The following RALGAPA2 variants were observed in gnomAD, a reference collection of about 807,000 sequenced individuals.
The protein encoded by RALGAPA2 is Ral GTPase activating protein catalytic subunit alpha 2, also known as ral GTPase-activating protein subunit alpha-2.
RALGAPA2 carries 139 observed loss-of-function variants against 230.4 expected under a neutral mutation model. The ratio of observed to expected loss-of-function variants is 0.60; its 90% confidence interval spans 0.53 to 0.69. The LOEUF (loss-of-function observed/expected upper bound fraction) is 0.69, where lower values mean the gene tolerates loss of function less well. RALGAPA2 is among the 30% of genes least tolerant of loss of function. The probability of loss-of-function intolerance (pLI) is 0.00; values close to 1 mark genes in which losing one functional copy is unlikely to be tolerated. For missense variants in RALGAPA2, 2,163 were observed against 2,276.0 expected, an observed-to-expected ratio of 0.95 and a Z score of 1.01; for synonymous variants, 847 against 837.8, an observed-to-expected ratio of 1.01 and a Z score of -0.19.
At chr20:20,692,359 G>GT in intron 1 of RALGAPA2, among the ~76,000 whole-genome samples, 1 of 152,230 alleles carries the variant, frequency 6.6e-6, no homozygotes, top group South Asian at 2.1e-4. Context: ...ATTCTTCATA[G>GT]TATTTTAAAC....
At chr20:20,424,933 C>G (rs1164470481) in intron 37 of RALGAPA2, among the ~76,000 whole-genome samples, 1 of 152,104 alleles carries the variant, frequency 6.6e-6, no homozygotes, top group East Asian at 1.9e-4. Flanking sequence ...TCATCACTGA[C>G]TCTAAGAGAA....
At chr20:20,396,860 T>C in intron 38 of RALGAPA2, 126 bp from the exon 39 acceptor site, 2 of 781,942 alleles carry the variant, frequency 2.6e-6, no homozygotes, top group South Asian at 3.4e-5. Context: ...TGCAGCCTTG[T>C]CAATCAGTAA....
At chr20:20,566,279 G>T (rs986340090) in intron 23 of RALGAPA2, among the ~76,000 whole-genome samples, 14 of 152,228 alleles carry the variant, frequency 9.2e-5, no homozygotes, top group African/African-American at 3.1e-4. Context: ...TTGTACAGAG[G>T]CTCATTGGGT....
chr20:20,411,617 GAATCTCGGCAGCATAA>G, intron 38 of RALGAPA2, among the ~76,000 whole-genome samples: 1 of 152,138 alleles, frequency 6.6e-6, no homozygotes, highest in Non-Finnish European at 1.5e-5. Flanking sequence ...CCTGACCTTC[GAATCTCGGCAGCATAA>G]TCCCCATTTA....
chr20:20,418,887 C>T (rs1234231315), intron 37 of RALGAPA2, among the ~76,000 whole-genome samples: 2 of 152,052 alleles, frequency 1.3e-5, no homozygotes, highest in East Asian at 1.9e-4. Context: ...TACAGACATG[C>T]GTCACCATGC....
intron 1 of RALGAPA2, among the ~76,000 whole-genome samples, chr20:20,695,168 T>C (rs188231204): frequency 1.3e-5 from 2 of 152,120 alleles, no homozygotes; most frequent in East Asian, 3.9e-4. Context: ...AATTCTAAAA[T>C]GTTGTAAAAA....
intron 18 of RALGAPA2, among the ~76,000 whole-genome samples, chr20:20,588,044 T>C (rs1324916300): frequency 6.6e-6 from 1 of 152,192 alleles, no homozygotes; most frequent in African/African-American, 2.4e-5. Context: ...ATATGAGTGA[T>C]GCAACCACTT....
intron 1 of RALGAPA2, among the ~76,000 whole-genome samples, chr20:20,694,594 A>AAAC (rs1304073217): frequency 1.3e-5 from 2 of 152,246 alleles, no homozygotes; most frequent in Admixed American, 1.3e-4. Flanking sequence ...TCATGACCTG[A>AAAC]AGGATGGGTG....
chr20:20,410,390 GTTTAAT>G (rs946321538), intron 38 of RALGAPA2, among the ~76,000 whole-genome samples: 16 of 152,098 alleles, frequency 1.1e-4, no homozygotes, highest in Admixed American at 3.3e-4. Flanking sequence ...TTATTTACGT[GTTTAAT>G]TTTAAGAAGT....
At chr20:20,614,885 G>A (rs939797409) in intron 13 of RALGAPA2, among the ~76,000 whole-genome samples, 7 of 152,180 alleles carry the variant, frequency 4.6e-5, no homozygotes, top group African/African-American at 1.4e-4. Flanking sequence ...GGTAGGAAAG[G>A]TGCCACTGGT....
At position 20,535,795 on chromosome 20, in the gene RALGAPA2, G is replaced by T; in HGVS notation, c.3423C>A (p.Leu1141=). The change falls in exon 26 of 40, where the codon CTC becomes CTA. Residue 1141 remains leucine (L), a synonymous_variant. Coordinates refer to ENST00000202677, the MANE Select transcript of RALGAPA2 (RefSeq NM_020343.4). ...TGGCATTCTTCAGTAAAATATTTATGAGGTAATGCTAAAAACACAAAATTA... is the reference window on the plus strand; with the variant it reads ...TGGCATTCTTCAGTAAAATATTTATTAGGTAATGCTAAAAACACAAAATTA... ...ITGTEDVKHY[L]INILLKNATE... 6.5e-7 allele frequency: 1 copy of T among 1,546,654 alleles called. No individual in the cohort carries two copies. The highest frequency in any genetic ancestry group is 8.7e-7 in the Non-Finnish European group (1 of 1,144,746).
intron 39 of RALGAPA2, among the ~76,000 whole-genome samples, chr20:20,395,711 G>A (rs1488658365): frequency 6.6e-6 from 1 of 152,138 alleles, no homozygotes; most frequent in African/African-American, 2.4e-5. Flanking sequence ...CTGGCTGGAG[G>A]GTCGGCTGGC....
intron 37 of RALGAPA2, among the ~76,000 whole-genome samples, chr20:20,438,859 G>A (rs564453217): frequency 1.3e-5 from 2 of 152,180 alleles, no homozygotes; most frequent in African/African-American, 4.8e-5. Context: ...ATGCAAAATG[G>A]AGGCTGAGAA....
chr20:20,417,517 C>T (rs2060190564), intron 37 of RALGAPA2, among the ~76,000 whole-genome samples: 1 of 152,188 alleles, frequency 6.6e-6, no homozygotes, highest in African/African-American at 2.4e-5. Context: ...GGATTTACTG[C>T]TCTCCTGGAT....
At chr20:20,699,696 A>T (rs2069265334) in intron 1 of RALGAPA2, among the ~76,000 whole-genome samples, 1 of 152,214 alleles carries the variant, frequency 6.6e-6, no homozygotes, top group Non-Finnish European at 1.5e-5. Context: ...GCCAACAAAC[A>T]TATAAAAAAG....
intron 23 of RALGAPA2, among the ~76,000 whole-genome samples, chr20:20,550,622 C>T (rs886749446): frequency 9.9e-5 from 15 of 152,128 alleles, no homozygotes; most frequent in Non-Finnish European, 1.3e-4. Flanking sequence ...TGCACTCTGA[C>T]GTGGTGAAAA....
chr20:20,710,390 G>A (rs553768063), intron 1 of RALGAPA2, among the ~76,000 whole-genome samples: 31 of 152,184 alleles, frequency 2.0e-4, no homozygotes, highest in South Asian at 8.3e-4. Flanking sequence ...AGTGCATTAC[G>A]TACTACTTTT....
chr20:20,583,381 A>G (rs1013344459), intron 19 of RALGAPA2, among the ~76,000 whole-genome samples, 155 bp from the exon 20 acceptor site: 2 of 152,208 alleles, frequency 1.3e-5, no homozygotes, highest in African/African-American at 4.8e-5. Flanking sequence ...AGGAGCTCAA[A>G]AAGTGTCCAC....
chr20:20,661,150 CG>C (rs1390422166), intron 3 of RALGAPA2, among the ~76,000 whole-genome samples: 4 of 151,998 alleles, frequency 2.6e-5, no homozygotes, highest in African/African-American at 9.7e-5. Context: ...GGGCTATCAT[CG>C]AATTTTGCTT....
Sources: allele counts gnomAD v4.1 joint callset (sites outside exome capture counted in the v4.1 genomes callset), GRCh38; gene constraint gnomAD v4.1.1; transcripts MANE v1.5; gene names NCBI Gene and HGNC (gene_info 2026-07-23, HGNC 2026-07-21).